MTSS1: variants seen among roughly 807,000 people sequenced by gnomAD.
MTSS1 encodes MTSS I-BAR domain containing 1.
MTSS1 carries 18 observed loss-of-function variants against 79.0 expected under a neutral mutation model. The ratio of observed to expected loss-of-function variants is 0.23; its 90% CI spans 0.16 to 0.34. MTSS1 has a LOEUF of 0.34. Among genes scored for constraint, MTSS1 ranks in the 10% least tolerant of loss-of-function variants. The pLI, the probability that MTSS1 is intolerant of heterozygous loss-of-function variation, is 1.00. For missense variants in MTSS1, 815 were observed against 986.2 expected (o/e 0.83, Z 2.33); for synonymous variants, 341 against 368.6 (o/e 0.93, Z 0.86).
intron 3 of MTSS1, among the ~76,000 whole-genome samples, chr8:124,665,359 A>G (rs1158735884): frequency 1.3e-5 from 2 of 152,180 alleles, no homozygotes; most frequent in African/African-American, 2.4e-5. Flanking sequence ...CCATCTCCGC[A>G]GACCTGAGTT....
rs1446971487 is a variant in MTSS1, at chr8:124,553,118, C to A, written c.2142G>T (p.Glu714Asp). Residue 714 changes from glutamate to aspartate, a missense_variant, in exon 14 of 14, where the codon GAG (glutamate) becomes GAT (aspartate). Transcript: ENST00000518547. This position sits in a 1 kb window ranked among gnomAD's most constrained non-coding sequence, Gnocchi z 6.0. ...SATVSPGQIP[E>D]SDPADLSPRD... is the part of the protein sequence containing the mutation. ...TTGGGCTCAGGTCTGCAGGGTCACT[C>A]TCTGGAATCTGGCCTGGGGAGACAG... 1 of 1,614,142 alleles carries A rather than the reference C, an allele frequency of 6.2e-7. No homozygotes were observed.
chr8:124,579,369 CAG>C (rs908153122), intron 6 of MTSS1, among the ~76,000 whole-genome samples: 1 of 152,122 alleles, frequency 6.6e-6, no homozygotes, highest in African/African-American at 2.4e-5. Flanking sequence ...GACTGTGAAA[CAG>C]GGAGGGACTG....
At chr8:124,720,834 C>T (rs1003395884) in intron 1 of MTSS1, among the ~76,000 whole-genome samples, 4 of 152,208 alleles carry the variant, frequency 2.6e-5, no homozygotes, top group Non-Finnish European at 5.9e-5. Context: ...TTTGAGTGGA[C>T]GTTCGCCAGG....
intron 6 of MTSS1, among the ~76,000 whole-genome samples, chr8:124,577,236 A>G (rs1037989052): frequency 2.3e-4 from 35 of 152,218 alleles, no homozygotes; most frequent in African/African-American, 7.2e-4. Context: ...CTGAAATGCA[A>G]CATCCCTTTG....
intron 10 of MTSS1, among the ~76,000 whole-genome samples, chr8:124,561,184 A>G (rs1053874043): frequency 3.3e-5 from 5 of 152,154 alleles, no homozygotes; most frequent in African/African-American, 1.2e-4. Flanking sequence ...GTAATTCCAG[A>G]ATTTTGGGAG....
rs766876215 is a variant in MTSS1 at position 124,589,725 on chromosome 8, G to A, written c.294-14C>T. ...TCAATTAAAGCGCTTTTACCAAGCG[G>A]GGGGGAAAAAGGGAGAAATTAAATA... On this transcript the variant is annotated splice_polypyrimidine_tract_variant and intron_variant, in intron 4 of 13. Transcript: ENST00000518547. The A allele has an allele frequency of 1.2e-5, 19 of 1,568,438 alleles. No homozygotes were observed. Among genetic ancestry groups the A allele is most frequent in the Non-Finnish European group, 1.7e-5 (19 of 1,144,976 alleles).
At chr8:124,610,704 G>A (rs1835645590) in intron 3 of MTSS1, among the ~76,000 whole-genome samples, 1 of 152,158 alleles carries the variant, frequency 6.6e-6, no homozygotes. Context: ...GAAGATGGTA[G>A]GGAGCTTTCT....
At chr8:124,660,428 GCATGCACACACA>G (rs1457159347) in intron 3 of MTSS1, among the ~76,000 whole-genome samples, 1 of 115,404 alleles carries the variant, frequency 8.7e-6, no homozygotes, top group South Asian at 3.1e-4. Flanking sequence ...TTGCCCATGC[GCATGCACACACA>G]CACACACACA....
At chr8:124,692,711 T>C (rs940691055) in intron 3 of MTSS1, among the ~76,000 whole-genome samples, 1 of 152,118 alleles carries the variant, frequency 6.6e-6, no homozygotes, top group African/African-American at 2.4e-5. Flanking sequence ...AAGATTCAAA[T>C]TCTGAACTCC....
chr8:124,711,083 A>C (rs1831093818), intron 1 of MTSS1, among the ~76,000 whole-genome samples: 1 of 152,202 alleles, frequency 6.6e-6, no homozygotes, highest in Admixed American at 6.5e-5. Flanking sequence ...GTTCACCTTG[A>C]CAAGCATCAC....
At chr8:124,568,292 C>T (rs982247692) in intron 7 of MTSS1, 87 bp downstream of exon 7, 20 of 1,454,916 alleles carry the variant, frequency 1.4e-5, no homozygotes, top group African/African-American at 2.8e-5. Flanking sequence ...GTAGATTCTC[C>T]ATGACTCAAC....
chr8:124,663,958 G>A (rs746499560), intron 3 of MTSS1, among the ~76,000 whole-genome samples: 4 of 152,184 alleles, frequency 2.6e-5, no homozygotes, highest in African/African-American at 9.7e-5. Context: ...CTAAAAACCC[G>A]GGATGGACTG....
At chr8:124,662,590 G>C (rs555261001) in intron 3 of MTSS1, among the ~76,000 whole-genome samples, 1 of 152,038 alleles carries the variant, frequency 6.6e-6, no homozygotes, top group South Asian at 2.1e-4. Context: ...CTGAAGACAG[G>C]GTCTAGACAT....
At chr8:124,626,415 T>C (rs889405260) in intron 3 of MTSS1, among the ~76,000 whole-genome samples, 8 of 152,078 alleles carry the variant, frequency 5.3e-5, no homozygotes, top group Non-Finnish European at 7.4e-5. Context: ...GGTGGGAGGA[T>C]AGCTTGAGCC....
At chr8:124,561,855 A>C (rs1586813638) in intron 10 of MTSS1, among the ~76,000 whole-genome samples, 1 of 152,088 alleles carries the variant, frequency 6.6e-6, no homozygotes, top group Non-Finnish European at 1.5e-5. Flanking sequence ...CTCTCAAACT[A>C]TAGCCGTGGC....
At chr8:124,672,891 GCA>G (rs555876492) in intron 3 of MTSS1, among the ~76,000 whole-genome samples, 5 of 150,184 alleles carry the variant, frequency 3.3e-5, no homozygotes, top group African/African-American at 1.2e-4. Flanking sequence ...ACACACACAT[GCA>G]CACACACACA....
intron 3 of MTSS1, among the ~76,000 whole-genome samples, chr8:124,673,747 A>G (rs187035643): frequency 2.2e-4 from 34 of 152,344 alleles, no homozygotes; most frequent in African/African-American, 7.2e-4. Context: ...AGCAGAGGAA[A>G]GCACTATTTC....
At chr8:124,565,395 T>C (rs992019482) in intron 9 of MTSS1, among the ~76,000 whole-genome samples, 3 of 152,204 alleles carry the variant, frequency 2.0e-5, no homozygotes, top group Non-Finnish European at 4.4e-5. Flanking sequence ...TGTGATCTCA[T>C]AGAATAGGAA....
intron 3 of MTSS1, among the ~76,000 whole-genome samples, chr8:124,684,479 G>A (rs914470124): frequency 7.2e-5 from 11 of 152,198 alleles, no homozygotes; most frequent in African/African-American, 2.7e-4. Flanking sequence ...CATGTTTCAA[G>A]GAAGCAATGA....
Sources: allele counts gnomAD v4.1 joint callset (sites outside exome capture counted in the v4.1 genomes callset), GRCh38; gene constraint gnomAD v4.1.1; non-coding constraint Gnocchi (gnomAD v3.1); transcripts MANE v1.5; gene names NCBI Gene and HGNC (gene_info 2026-07-23, HGNC 2026-07-21).